The following SGCD variants were observed in gnomAD, a reference collection of about 807,000 sequenced individuals.
SGCD encodes the protein sarcoglycan delta.
SGCD carries 18 observed loss-of-function variants against 36.6 expected under a neutral mutation model. That is an observed-to-expected ratio of 0.49 (90% CI 0.34 to 0.73). The LOEUF (loss-of-function observed/expected upper bound fraction) is 0.73, where lower values mean the gene tolerates loss of function less well. SGCD is among the 30% of genes least tolerant of loss of function. The pLI is 0.01. For synonymous variants in SGCD, 133 were observed against 130.6 expected, an observed-to-expected ratio of 1.02 and a Z score of -0.12; for missense variants, 387 against 346.7, an observed-to-expected ratio of 1.12 and a Z score of -0.92.
At chr5:156,380,849 G>T (rs1178027738) in intron 3 of SGCD, among the ~76,000 whole-genome samples, 1 of 152,168 alleles carries the variant, frequency 6.6e-6, no homozygotes, top group Non-Finnish European at 1.5e-5. Context: ...TATAGGCAAA[G>T]CCAAGGCATG....
At chr5:156,074,851 A>G (rs1237474982) in intron 1 of SGCD, among the ~76,000 whole-genome samples, 1 of 152,352 alleles carries the variant, frequency 6.6e-6, no homozygotes, top group Admixed American at 6.5e-5. Flanking sequence ...TGGTTTAACA[A>G]TTATGAGCAG....
the SGCD span, among the ~76,000 whole-genome samples, chr5:155,773,613 G>A: frequency 6.6e-6 from 1 of 152,144 alleles, no homozygotes; most frequent in Non-Finnish European, 1.5e-5. Context: ...TGGGAAGACG[G>A]ATATGTGAAC....
intron 3 of SGCD, among the ~76,000 whole-genome samples, chr5:156,284,698 A>G (rs1262573036): frequency 6.6e-6 from 1 of 152,174 alleles, no homozygotes. Context: ...TGTCTATGAC[A>G]AACCCACAGC....
intron 3 of SGCD, 82 bp downstream of exon 3, chr5:156,344,759 T>A: frequency 1.8e-6 from 2 of 1,137,128 alleles, no homozygotes; most frequent in Non-Finnish European, 1.3e-6. Flanking sequence ...TGTGGAAAAG[T>A]GATATTATTA....
At chr5:156,014,062 G>C (rs1758915263) in intron 1 of SGCD, among the ~76,000 whole-genome samples, 1 of 151,930 alleles carries the variant, frequency 6.6e-6, no homozygotes, top group African/African-American at 2.4e-5. Context: ...CTTTTGCTAA[G>C]GGATGAAAAT....
At chr5:156,434,134 T>A (rs944743911) in intron 3 of SGCD, among the ~76,000 whole-genome samples, 1 of 152,222 alleles carries the variant, frequency 6.6e-6, no homozygotes, top group African/African-American at 2.4e-5. Flanking sequence ...GTATGGAAGG[T>A]GTGCATCTCT....
the SGCD span, among the ~76,000 whole-genome samples, chr5:155,844,115 GA>G: frequency 2.7e-5 from 4 of 150,290 alleles, no homozygotes; most frequent in East Asian, 2.0e-4. Flanking sequence ...TTCAAAAGGG[GA>G]AAAAAAAACA....
chr5:156,378,089 G>C (rs991661717), intron 3 of SGCD, among the ~76,000 whole-genome samples: 3 of 152,156 alleles, frequency 2.0e-5, no homozygotes, highest in African/African-American at 7.2e-5. Flanking sequence ...ACAGAAGGTA[G>C]AGCAACCCAA....
chr5:156,696,800 G>A (rs1024091142), intron 7 of SGCD, among the ~76,000 whole-genome samples: 2 of 152,002 alleles, frequency 1.3e-5, no homozygotes, highest in Non-Finnish European at 1.5e-5. Context: ...GTGAGCCACA[G>A]CAACCAGCCC....
intron 3 of SGCD, among the ~76,000 whole-genome samples, chr5:156,186,328 A>T (rs930894597): frequency 6.6e-6 from 1 of 152,130 alleles, no homozygotes; most frequent in Non-Finnish European, 1.5e-5. Flanking sequence ...GTTGTAATCT[A>T]TGTTGATATC....
chr5:156,672,828 CTT>C (rs1753352203), intron 7 of SGCD, among the ~76,000 whole-genome samples: 2 of 152,170 alleles, frequency 1.3e-5, no homozygotes, highest in African/African-American at 4.8e-5. Context: ...CTGCCCTTCT[CTT>C]GTTTGCTGTA....
chr5:156,015,501 T>C (rs984234088), intron 1 of SGCD, among the ~76,000 whole-genome samples: 1 of 152,046 alleles, frequency 6.6e-6, no homozygotes, highest in Admixed American at 6.6e-5. Context: ...TGGGGAATAG[T>C]ATTTACTAGC....
intron 4 of SGCD, among the ~76,000 whole-genome samples, chr5:156,558,878 G>GA (rs1348194696): frequency 6.6e-6 from 1 of 152,124 alleles, no homozygotes; most frequent in African/African-American, 2.4e-5. Context: ...GTAAAAAGAC[G>GA]ATCAGGTGTT....
intron 1 of SGCD, among the ~76,000 whole-genome samples, chr5:156,069,195 G>C (rs111330790): frequency 6.6e-6 from 1 of 151,966 alleles, no homozygotes; most frequent in Admixed American, 6.6e-5. Context: ...TAAAGTCCTT[G>C]CCCATGCCTA....
rs114451227 is a variant in SGCD at position 156,014,944 on chromosome 5, C to T, written c.-281-102934C>T. On this transcript the variant is annotated intron_variant, in intron 1 of 9. Transcript: ENST00000517913. ...CCATGTAAGCGATGCTATGTTCTTT[C>T]CTGGCATCACATCTGAAGGCATGTC... 4.7e-3 allele frequency among the ~76,000 whole-genome samples: 722 copies of T among 152,270 alleles called. 8 individuals are homozygous for T. Among genetic ancestry groups the T allele is most frequent in the African/African-American group, 0.016 (674 of 41,548 alleles).
chr5:156,758,086 T>C, intron 8 of SGCD: 1 of 827,112 alleles, frequency 1.2e-6, no homozygotes, highest in Non-Finnish European at 1.5e-6. Flanking sequence ...TTACTTTGTG[T>C]CACATGTTTC....
chr5:156,502,038 CTTT>C (rs34669004), intron 3 of SGCD, among the ~76,000 whole-genome samples: 1 of 141,064 alleles, frequency 7.1e-6, no homozygotes, highest in Admixed American at 7.1e-5. Context: ...GATATTCTCT[CTTT>C]TTTTTTTTTT....
At chr5:156,166,480 C>G (rs75982848) in intron 3 of SGCD, among the ~76,000 whole-genome samples, 2 of 152,312 alleles carry the variant, frequency 1.3e-5, no homozygotes, top group East Asian at 3.9e-4. Flanking sequence ...CCACGCCTGG[C>G]TAATTTTGTT....
chr5:155,760,284 AC>A, the SGCD span, among the ~76,000 whole-genome samples: 1 of 126,840 alleles, frequency 7.9e-6, no homozygotes, highest in Non-Finnish European at 1.7e-5. Flanking sequence ...CCTCTCCATC[AC>A]CCTATTCATC....
Sources: gnomAD v4.1 joint callset for allele counts (sites outside exome capture counted in the v4.1 genomes callset) on GRCh38, gnomAD v4.1.1 for gene constraint, MANE v1.5 for transcripts, NCBI Gene and HGNC (gene_info 2026-07-23, HGNC 2026-07-21) for gene names.